Variants in CXADR observed in about 807,000 individuals in gnomAD.
CXADR encodes coxsackievirus and adenovirus receptor.
In CXADR, 20 loss-of-function variants were observed where a neutral mutation model predicts 40.3. The observed-to-expected ratio is 0.50, with a 90% CI of 0.35 to 0.72. The LOEUF is 0.72. CXADR is among the 30% of genes least tolerant of loss of function. The pLI, the probability that CXADR is intolerant of heterozygous loss-of-function variation, is 0.01. For synonymous variants in CXADR, 150 were observed against 161.3 expected (o/e 0.93, Z 0.53); for missense variants, 332 against 449.1 (o/e 0.74, Z 2.36).
chr21:17,525,889 T>C (rs2060592765), intron 1 of CXADR, among the ~76,000 whole-genome samples: 1 of 152,210 alleles, frequency 6.6e-6, no homozygotes, highest in African/African-American at 2.4e-5. Context: ...AACAGAAATA[T>C]AATGCAAGCC....
the CXADR span, among the ~76,000 whole-genome samples, chr21:17,625,810 C>T: frequency 6.6e-6 from 1 of 152,208 alleles, no homozygotes; most frequent in African/African-American, 2.4e-5. Flanking sequence ...ATATCAATCC[C>T]CTCAGAGTTA....
At chr21:17,585,812 C>G (rs912432564) in intron 7 of CXADR, among the ~76,000 whole-genome samples, 1 of 152,106 alleles carries the variant, frequency 6.6e-6, no homozygotes. Context: ...GCCACCGCGC[C>G]CGGTTTTAAT....
rs111425297 is a variant in CXADR at position 17,531,319 on chromosome 21, A to G, written c.44-15708A>G. Among the ~76,000 whole-genome samples, 886 of 150,770 alleles carry G rather than the reference A, an allele frequency of 5.9e-3. 9 individuals are homozygous for G. Among genetic ancestry groups the G allele is most frequent in the African/African-American group, 0.021 (850 of 40,290 alleles). ...GTCTCAAAAAAAAAAAAAGAAAAGA[A>G]AAAAGAAAGTTAAGAAAGTTCCAGT... On this transcript the variant is annotated intron_variant, in intron 1 of 6. Coordinates refer to ENST00000284878, the MANE Select transcript of CXADR (RefSeq NM_001338.5).
chr21:17,561,730 A>G (rs574411887), intron 6 of CXADR, among the ~76,000 whole-genome samples: 1 of 152,130 alleles, frequency 6.6e-6, no homozygotes. Flanking sequence ...TTATCTCAAG[A>G]CTGCCTGCTT....
intron 1 of CXADR, among the ~76,000 whole-genome samples, chr21:17,514,454 A>C (rs1201268903): frequency 6.6e-6 from 1 of 152,066 alleles, no homozygotes. Flanking sequence ...GGAGAAGATG[A>C]AGGGTCATAG....
chr21:17,573,152 C>T (rs896554056), downstream of CXADR, among the ~76,000 whole-genome samples: 2 of 152,044 alleles, frequency 1.3e-5, no homozygotes, highest in Admixed American at 6.5e-5. Context: ...CTCCATCTCT[C>T]TTCCCTCTAT....
chr21:17,559,539 A>T lies in CXADR; in HGVS notation c.571+408A>T, dbSNP rs147284490. Among the ~76,000 whole-genome samples the T allele has an allele frequency of 2.2e-3, 335 of 152,178 alleles. 2 individuals are homozygous for T. Among genetic ancestry groups the T allele is most frequent in the Non-Finnish European group, 3.9e-3 (266 of 67,996 alleles). On this transcript the variant is annotated intron_variant, in intron 4 of 6. Coordinates refer to ENST00000284878, the MANE Select transcript of CXADR (RefSeq NM_001338.5). ...TGCTTTCTTTCCCTTTTCTACATAG[A>T]ATAATCAGGATTTCCATAGGAATTA... is the stretch of plus-strand genomic sequence containing the variant.
the CXADR span, chr21:17,608,960 C>G: frequency 6.2e-7 from 1 of 1,610,022 alleles, no homozygotes; most frequent in African/African-American, 1.3e-5. Flanking sequence ...TTAATCCAAT[C>G]TAATCCTTTA....
At chr21:17,517,026 C>T (rs2060470588) in intron 1 of CXADR, among the ~76,000 whole-genome samples, 1 of 151,910 alleles carries the variant, frequency 6.6e-6, no homozygotes, top group Non-Finnish European at 1.5e-5. Context: ...AAGAGCTTTG[C>T]CTTCATGTCT....
intron 1 of CXADR, among the ~76,000 whole-genome samples, chr21:17,527,628 TCA>T (rs2060613176): frequency 1.3e-5 from 2 of 152,144 alleles, no homozygotes; most frequent in African/African-American, 2.4e-5. Context: ...AAGGCAGGAA[TCA>T]TAGCAGATAT....
At chr21:17,574,998 C>CAT (rs144927360), downstream of CXADR, among the ~76,000 whole-genome samples, 1,292 of 38,064 alleles carry the variant, frequency 0.034, 18 homozygotes, top group African/African-American at 0.058. Flanking sequence ...TATATACACA[C>CAT]ACATACATAC....
chr21:17,572,383 A>G (rs2934946), downstream of CXADR, among the ~76,000 whole-genome samples: 135,818 of 149,230 alleles, frequency 0.91, 62,049 homozygotes, highest in Non-Finnish European at 0.95. Flanking sequence ...AAAAAAAAAA[A>G]GGGGCAGTAT....
intron 1 of CXADR, among the ~76,000 whole-genome samples, chr21:17,534,452 G>GT (rs2060728017): frequency 6.6e-6 from 1 of 151,988 alleles, no homozygotes; most frequent in African/African-American, 2.4e-5. Flanking sequence ...TATTTAAAGT[G>GT]TTTTTCCCTT....
At chr21:17,546,904 TCGGGAC>T in intron 1 of CXADR, 117 bp from the exon 2 acceptor site, 1 of 1,158,202 alleles carries the variant, frequency 8.6e-7, no homozygotes, top group Non-Finnish European at 1.2e-6. Flanking sequence ...ACTCCATTCC[TCGGGAC>T]CCAAACCCCG....
At chr21:17,547,391 A>T (rs1390741535) in intron 2 of CXADR, among the ~76,000 whole-genome samples, 198 bp downstream of exon 2, 1 of 152,202 alleles carries the variant, frequency 6.6e-6, no homozygotes, top group Non-Finnish European at 1.5e-5. Flanking sequence ...GAAATAGATA[A>T]TGAGTGTGAC....
At chr21:17,600,095 AT>A in the CXADR span, among the ~76,000 whole-genome samples, 1 of 151,978 alleles carries the variant, frequency 6.6e-6, no homozygotes, top group African/African-American at 2.4e-5. Context: ...AAGATTTTTG[AT>A]TTTTTTTAAG....
chr21:17,569,314 G>C lies in CXADR; in HGVS notation c.*3622G>C. On this transcript the variant is annotated 3_prime_UTR_variant, in exon 7 of 7. Coordinates refer to ENST00000284878, the MANE Select transcript of CXADR (RefSeq NM_001338.5). ...TGATGTGTCACATAAAGAGTAGTTT[G>C]TAGAAAATGTTGGCACAATTTTAAC... 1.0e-6 allele frequency: 1 copy of C among 985,188 alleles called. No individual in the cohort carries two copies. Among genetic ancestry groups the C allele is most frequent in the Non-Finnish European group, 1.2e-6 (1 of 829,894 alleles). 61.0% of individuals were successfully genotyped at this position (985,188 alleles called of 1,614,324 possible).
chr21:17,604,286 T>TAA, the CXADR span: 2 of 253,512 alleles, frequency 7.9e-6, no homozygotes, highest in Non-Finnish European at 8.0e-6. Context: ...ACTACAAATA[T>TAA]AAAAAAAAAT....
At chr21:17,624,376 A>G in the CXADR span, among the ~76,000 whole-genome samples, 3 of 152,292 alleles carry the variant, frequency 2.0e-5, no homozygotes, top group East Asian at 3.9e-4. Context: ...TGTTGGTAGA[A>G]TCCAGTGCCT....
Sources: gnomAD v4.1 joint callset for allele counts (sites outside exome capture counted in the v4.1 genomes callset) on GRCh38, gnomAD v4.1.1 for gene constraint, MANE v1.5 for transcripts, NCBI Gene and HGNC (gene_info 2026-07-23, HGNC 2026-07-21) for gene names.